Variants in UBL3 observed in about 807,000 individuals in gnomAD.
The protein encoded by UBL3 is ubiquitin like 3.
Under a neutral mutation model 18.4 loss-of-function variants are expected in UBL3, and 6 were observed. The observed-to-expected ratio is 0.33, with a 90% confidence interval of 0.18 to 0.64. UBL3 has a LOEUF of 0.64. Ranked by LOEUF, UBL3 falls within the 30% of genes least tolerant of loss-of-function variation. The pLI, the probability that UBL3 is intolerant of heterozygous loss-of-function variation, is 0.76. For synonymous variants in UBL3, 49 were observed against 46.6 expected (o/e 1.05, Z -0.21); for missense variants, 109 against 142.9 (o/e 0.76, Z 1.21).
intron 1 of UBL3, among the ~76,000 whole-genome samples, chr13:29,822,794 GTTTTC>G (rs926975160): frequency 6.6e-6 from 1 of 152,172 alleles, no homozygotes; most frequent in African/African-American, 2.4e-5. Context: ...AGAACTAAAG[GTTTTC>G]TTTTGAGTGA....
intron 1 of UBL3, among the ~76,000 whole-genome samples, chr13:29,824,467 G>A (rs1247911895): frequency 6.6e-6 from 1 of 152,208 alleles, no homozygotes; most frequent in African/African-American, 2.4e-5. Flanking sequence ...CAGTGATGAT[G>A]AGCATTTCTT....
intron 1 of UBL3, among the ~76,000 whole-genome samples, chr13:29,793,627 C>G (rs924058996): frequency 3.3e-5 from 5 of 152,050 alleles, no homozygotes; most frequent in African/African-American, 1.2e-4. Flanking sequence ...ATAGCCTATA[C>G]TCACTTCTAT....
rs1405801505 is a variant in UBL3 at position 29,819,686 on chromosome 13, A to G, written c.27+29826T>C. On this transcript the variant is annotated intron_variant, in intron 1 of 4. Transcript: ENST00000380680. ...AAAAATAAAATTTCTTCTACCAGAAAAGACATCACTTTTTTTAAAAAAGGT... is the reference window on the plus strand; with the variant it reads ...AAAAATAAAATTTCTTCTACCAGAAGAGACATCACTTTTTTTAAAAAAGGT... 2.0e-5 allele frequency among the ~76,000 whole-genome samples: 3 copies of G among 152,324 alleles called. No homozygotes were observed. The East Asian group carries it at 5.8e-4, about 29-fold the overall frequency.
At chr13:29,798,636 T>C (rs1044635433) in intron 1 of UBL3, among the ~76,000 whole-genome samples, 8 of 152,170 alleles carry the variant, frequency 5.3e-5, no homozygotes, top group Non-Finnish European at 8.8e-5. Context: ...CAAGTATGAA[T>C]AGAGTAGTCT....
At chr13:29,832,263 C>G (rs1878796432) in intron 1 of UBL3, among the ~76,000 whole-genome samples, 1 of 151,806 alleles carries the variant, frequency 6.6e-6, no homozygotes, top group Non-Finnish European at 1.5e-5. Context: ...TATGAAAGAG[C>G]AACTAATTCT....
chr13:29,842,077 G>A (rs1879115073), intron 1 of UBL3, among the ~76,000 whole-genome samples: 1 of 151,610 alleles, frequency 6.6e-6, no homozygotes, highest in East Asian at 1.9e-4. Flanking sequence ...ATTCAGTCCA[G>A]GAGTCCCTGC....
At chr13:29,848,183 C>A (rs951112492) in intron 1 of UBL3, among the ~76,000 whole-genome samples, 1 of 150,892 alleles carries the variant, frequency 6.6e-6, no homozygotes, top group Admixed American at 6.7e-5. Context: ...GTGGCTCACG[C>A]CTGTAATCCC....
intron 1 of UBL3, among the ~76,000 whole-genome samples, chr13:29,824,187 T>C (rs934912100): frequency 6.6e-6 from 1 of 152,230 alleles, no homozygotes; most frequent in African/African-American, 2.4e-5. Flanking sequence ...TGTGTCTTTA[T>C]AGCAGCATGA....
At chr13:29,783,980 T>C (rs950699098) in intron 1 of UBL3, among the ~76,000 whole-genome samples, 1 of 152,194 alleles carries the variant, frequency 6.6e-6, no homozygotes, top group African/African-American at 2.4e-5. Context: ...TTATATATTT[T>C]TTATATTTAC....
intron 1 of UBL3, among the ~76,000 whole-genome samples, chr13:29,835,153 T>TATATATATATATATAA (rs1878921728): frequency 1.3e-4 from 4 of 30,494 alleles, no homozygotes; most frequent in African/African-American, 2.9e-4. Context: ...TATATATATA[T>TATATATATATATATAA]ATATATATAT....
Position 29,835,124 on chromosome 13 carries a change from AAATATATATATATATATAT to A in UBL3, c.27+14369_27+14387del, listed in dbSNP as rs1878906944. Among the ~76,000 whole-genome samples, 107 of 36,724 alleles carry A rather than the reference AAATATATATATATATATAT, an allele frequency of 2.9e-3. 6 individuals are homozygous for A. Among genetic ancestry groups the A allele is most frequent in the Non-Finnish European group, 3.4e-3 (82 of 24,034 alleles). The allele number at this position is 36,724 out of a possible 152,430, so 24.1% of individuals were successfully genotyped here. On this transcript the variant is annotated intron_variant, in intron 1 of 4. Transcript: ENST00000380680. Reference sequence around the variant, plus strand: ...TATATATAAATATATATATATATATAAATATATATATATATATATATATATATATATATATATATATATA... The same window carrying A: ...TATATATAAATATATATATATATATAATATATATATATATATATATATATA...
At chr13:29,780,433 T>C (rs971196485) in intron 1 of UBL3, among the ~76,000 whole-genome samples, 3 of 145,420 alleles carry the variant, frequency 2.1e-5, no homozygotes, top group Admixed American at 6.9e-5. Context: ...GTTATATATA[T>C]ATATATAGCA....
At chr13:29,788,837 A>ATGTGTG (rs1877393208) in intron 1 of UBL3, among the ~76,000 whole-genome samples, 2 of 124,402 alleles carry the variant, frequency 1.6e-5, no homozygotes, top group African/African-American at 6.8e-5. Context: ...CTTAATGGGG[A>ATGTGTG]AGTGTGTGTG....
intron 1 of UBL3, among the ~76,000 whole-genome samples, chr13:29,785,559 A>C (rs976972339): frequency 4.6e-5 from 7 of 152,236 alleles, no homozygotes; most frequent in African/African-American, 1.4e-4. Context: ...TATAAAGGGC[A>C]TATTTTGAAT....
In UBL3 at chr13:29,810,981, G is replaced by A. The variant is rs140403198; in HGVS notation, c.28-33718C>T. ...TAGCTATGTATAGACCCTTGACATC[G>A]TTCAAGTCAATGGTGGTACAGGTTA... On this transcript the variant is annotated intron_variant, in intron 1 of 4. Coordinates refer to ENST00000380680, the MANE Select transcript of UBL3 (RefSeq NM_007106.4). Among the ~76,000 whole-genome samples the A allele has an allele frequency of 2.2e-3, 331 of 152,128 alleles. 1 individual carries two copies. Among genetic ancestry groups the A allele is most frequent in the African/African-American group, 7.3e-3 (305 of 41,510 alleles).
chr13:29,784,027 A>G (rs1877244168), intron 1 of UBL3, among the ~76,000 whole-genome samples: 1 of 152,192 alleles, frequency 6.6e-6, no homozygotes, highest in Non-Finnish European at 1.5e-5. Flanking sequence ...ACTATTAGTG[A>G]GGCAGAACTA....
chr13:29,849,419 C>A, intron 1 of UBL3, 93 bp downstream of exon 1: 1 of 1,574,514 alleles, frequency 6.4e-7, no homozygotes. Context: ...TCGACAGTCC[C>A]CAGCAAATCT....
At chr13:29,797,021 A>C (rs1172216950) in intron 1 of UBL3, among the ~76,000 whole-genome samples, 2 of 152,226 alleles carry the variant, frequency 1.3e-5, no homozygotes, top group Non-Finnish European at 2.9e-5. Context: ...CTGACTTTTC[A>C]ATTATACTGG....
At chr13:29,806,931 GA>G in intron 1 of UBL3, among the ~76,000 whole-genome samples, 1 of 152,142 alleles carries the variant, frequency 6.6e-6, no homozygotes, top group South Asian at 2.1e-4. Context: ...CCTACTGTGA[GA>G]TTGTATTTCC....
Sources: gnomAD v4.1 joint callset for allele counts (sites outside exome capture counted in the v4.1 genomes callset) on GRCh38, gnomAD v4.1.1 for gene constraint, MANE v1.5 for transcripts, NCBI Gene and HGNC (gene_info 2026-07-23, HGNC 2026-07-21) for gene names.